Variants in SLC35F1 observed in about 807,000 individuals in gnomAD.
SLC35F1 encodes the protein chromosome 6 open reading frame 169.
Under a neutral mutation model 48.7 loss-of-function variants are expected in SLC35F1, and 14 were observed. The ratio of observed to expected loss-of-function variants is 0.29; its 90% CI spans 0.19 to 0.45. The LOEUF (loss-of-function observed/expected upper bound fraction) is 0.45. SLC35F1 is among the 20% of genes least tolerant of loss of function. The pLI is 1.00. For synonymous variants in SLC35F1, 190 were observed against 202.2 expected, an observed-to-expected ratio of 0.94 and a Z score of 0.51; for missense variants, 404 against 500.0, an observed-to-expected ratio of 0.81 and a Z score of 1.83.
chr6:118,216,128 C>T (rs1177647228), intron 2 of SLC35F1, among the ~76,000 whole-genome samples: 1 of 148,234 alleles, frequency 6.7e-6, no homozygotes, highest in Non-Finnish European at 1.5e-5. Context: ...CCCAGGCTGG[C>T]GTGCAGTGGC....
At chr6:118,199,267 G>A (rs1452173822) in intron 2 of SLC35F1, among the ~76,000 whole-genome samples, 1 of 152,180 alleles carries the variant, frequency 6.6e-6, no homozygotes, top group Non-Finnish European at 1.5e-5. Context: ...CCCCAAGTGG[G>A]AGGGGTAAAA....
At chr6:118,011,378 T>G (rs898451237) in intron 1 of SLC35F1, among the ~76,000 whole-genome samples, 1 of 152,094 alleles carries the variant, frequency 6.6e-6, no homozygotes, top group East Asian at 1.9e-4. Flanking sequence ...TTCACATGGC[T>G]GGCGGGAGAG....
At chr6:118,206,600 G>A (rs1369298979) in intron 2 of SLC35F1, among the ~76,000 whole-genome samples, 1 of 152,168 alleles carries the variant, frequency 6.6e-6, no homozygotes, top group African/African-American at 2.4e-5. Flanking sequence ...GGCCACGTGG[G>A]AGAATGGTGT....
chr6:118,150,549 G>C (rs947028820), intron 1 of SLC35F1, among the ~76,000 whole-genome samples: 3 of 152,136 alleles, frequency 2.0e-5, no homozygotes, highest in African/African-American at 7.2e-5. Flanking sequence ...TTATAGAACT[G>C]CAGGAATCCA....
At chr6:118,243,889 G>C (rs540316042) in intron 3 of SLC35F1, among the ~76,000 whole-genome samples, 2 of 152,260 alleles carry the variant, frequency 1.3e-5, no homozygotes, top group East Asian at 3.9e-4. Context: ...CTATTCAAAC[G>C]ATATTCTTAA....
chr6:118,297,418 T>C (rs1776199757), intron 7 of SLC35F1, among the ~76,000 whole-genome samples: 1 of 152,064 alleles, frequency 6.6e-6, no homozygotes, highest in African/African-American at 2.4e-5. Context: ...TTTGACCATT[T>C]GTAGAGAATA....
chr6:118,308,249 T>C (rs1343869784), intron 7 of SLC35F1, among the ~76,000 whole-genome samples: 1 of 152,196 alleles, frequency 6.6e-6, no homozygotes, highest in Non-Finnish European at 1.5e-5. Flanking sequence ...GATCTAGAAG[T>C]TATGGTTAGC....
chr6:117,928,432 A>T (rs1187827267), intron 1 of SLC35F1, among the ~76,000 whole-genome samples: 1 of 152,160 alleles, frequency 6.6e-6, no homozygotes, highest in Non-Finnish European at 1.5e-5. Flanking sequence ...AGTTTTCTTT[A>T]TGCATTGCTT....
chr6:118,276,565 G>A (rs979364157), intron 5 of SLC35F1, among the ~76,000 whole-genome samples: 19 of 152,324 alleles, frequency 1.2e-4, no homozygotes, highest in Admixed American at 3.9e-4. Context: ...CACAGTCTGA[G>A]AAGGATTTAT....
intron 5 of SLC35F1, among the ~76,000 whole-genome samples, chr6:118,275,963 A>G (rs1231212692): frequency 6.6e-6 from 1 of 152,204 alleles, no homozygotes; most frequent in East Asian, 1.9e-4. Flanking sequence ...GCATTTCCAA[A>G]AAGGAACATT....
chr6:118,195,896 G>C (rs1487600350), intron 2 of SLC35F1, among the ~76,000 whole-genome samples: 1 of 152,078 alleles, frequency 6.6e-6, no homozygotes, highest in Non-Finnish European at 1.5e-5. Flanking sequence ...TGTTCACTCC[G>C]CACTCCTGGG....
chr6:118,177,230 ACT>A (rs1368646014), intron 2 of SLC35F1, among the ~76,000 whole-genome samples: 1 of 151,788 alleles, frequency 6.6e-6, no homozygotes, highest in Non-Finnish European at 1.5e-5. Flanking sequence ...ACATCTCCTG[ACT>A]CTCTGATCTC....
chr6:118,295,041 G>A (rs563992646), intron 7 of SLC35F1, among the ~76,000 whole-genome samples: 1 of 152,210 alleles, frequency 6.6e-6, no homozygotes, highest in East Asian at 1.9e-4. Context: ...GCCTGTGCTG[G>A]CAATCCAGGT....
intron 1 of SLC35F1, among the ~76,000 whole-genome samples, chr6:118,024,015 C>G (rs1332591876): frequency 6.6e-6 from 1 of 152,178 alleles, no homozygotes; most frequent in Non-Finnish European, 1.5e-5. Context: ...TTTGAAGAGT[C>G]TTCTTGAGAG....
intron 1 of SLC35F1, among the ~76,000 whole-genome samples, chr6:118,037,119 T>A (rs1489949112): frequency 6.6e-6 from 1 of 152,234 alleles, no homozygotes; most frequent in Non-Finnish European, 1.5e-5. Context: ...ATATAGCAAC[T>A]TTGCCTTTGT....
intron 1 of SLC35F1, among the ~76,000 whole-genome samples, chr6:118,146,278 T>C (rs547593053): frequency 2.6e-5 from 4 of 152,338 alleles, no homozygotes; most frequent in Admixed American, 6.5e-5. Flanking sequence ...TGGCTGGTGC[T>C]TACTTCATGT....
intron 7 of SLC35F1, among the ~76,000 whole-genome samples, chr6:118,292,935 A>T (rs1449756636): frequency 6.6e-6 from 1 of 152,174 alleles, no homozygotes; most frequent in African/African-American, 2.4e-5. Context: ...TTATTACCTG[A>T]CAACATTATT....
chr6:118,193,456 C>G (rs1163723343), intron 2 of SLC35F1, among the ~76,000 whole-genome samples: 4 of 152,158 alleles, frequency 2.6e-5, no homozygotes, highest in Admixed American at 2.6e-4. Context: ...ACAAACCTTC[C>G]ACAACTTGTT....
intron 2 of SLC35F1, among the ~76,000 whole-genome samples, chr6:118,159,499 A>G (rs958433010): frequency 6.6e-6 from 1 of 152,212 alleles, no homozygotes; most frequent in Non-Finnish European, 1.5e-5. Flanking sequence ...AAGAAAGTAC[A>G]GTGAAGCTTC....
Sources: allele counts gnomAD v4.1 joint callset (sites outside exome capture counted in the v4.1 genomes callset), GRCh38; gene constraint gnomAD v4.1.1; transcripts MANE v1.5; gene names NCBI Gene and HGNC (gene_info 2026-07-23, HGNC 2026-07-21).